TENM2: variants seen among roughly 807,000 people sequenced by gnomAD.
TENM2 encodes the protein teneurin-2.
Under a neutral mutation model 245.2 loss-of-function variants are expected in TENM2, and 52 were observed. That is an observed-to-expected ratio of 0.21 (90% confidence interval 0.17 to 0.27). The LOEUF is 0.27. TENM2 is among the 10% of genes least tolerant of loss of function. TENM2 has a pLI of 1.00. For synonymous variants in TENM2, 1,363 were observed against 1,438.9 expected (o/e 0.95, Z 1.19); for missense variants, 3,046 against 3,666.8 (o/e 0.83, Z 4.37).
At chr5:167,208,901 GT>G in the TENM2 span, among the ~76,000 whole-genome samples, 1 of 152,142 alleles carries the variant, frequency 6.6e-6, no homozygotes, top group African/African-American at 2.4e-5. Context: ...CGAGTTGTTG[GT>G]CAGAATGAGA....
At chr5:167,934,896 G>T in intron 3 of TENM2, 1 of 985,566 alleles carries the variant, frequency 1.0e-6, no homozygotes, top group South Asian at 4.7e-5. Context: ...GGGTGTGCAG[G>T]CTGCACTGCC....
At chr5:167,456,063 T>A (rs1490840757) in intron 2 of TENM2, among the ~76,000 whole-genome samples, 1 of 152,172 alleles carries the variant, frequency 6.6e-6, no homozygotes, top group Non-Finnish European at 1.5e-5. Flanking sequence ...GCTCTAAATT[T>A]TAGAGACAAC....
intron 1 of TENM2, among the ~76,000 whole-genome samples, chr5:167,298,695 C>T (rs1755117562): frequency 6.6e-6 from 1 of 152,314 alleles, no homozygotes; most frequent in East Asian, 1.9e-4. Flanking sequence ...TGGGAGGACC[C>T]AGGGCATCTA....
intron 2 of TENM2, among the ~76,000 whole-genome samples, chr5:167,599,545 G>T (rs922900661): frequency 2.0e-5 from 3 of 152,058 alleles, no homozygotes; most frequent in South Asian, 2.1e-4. Context: ...ATAGTTTGGC[G>T]GTCCCCGTGG....
At chr5:167,988,675 A>G (rs1428716457) in intron 4 of TENM2, among the ~76,000 whole-genome samples, 1 of 152,194 alleles carries the variant, frequency 6.6e-6, no homozygotes, top group African/African-American at 2.4e-5. Context: ...CAGAGGTGGA[A>G]GCTTCAGTGG....
At chr5:167,228,977 G>A in the TENM2 span, among the ~76,000 whole-genome samples, 8 of 152,298 alleles carry the variant, frequency 5.3e-5, no homozygotes, top group South Asian at 1.7e-3. Context: ...TGGGATTACA[G>A]GCGTGAGCCA....
At chr5:167,987,477 A>G (rs929238210) in intron 4 of TENM2, among the ~76,000 whole-genome samples, 1 of 151,798 alleles carries the variant, frequency 6.6e-6, no homozygotes. Flanking sequence ...ACAGGTGCCC[A>G]CCACCACACC....
chr5:167,389,201 A>G (rs1000963596), intron 2 of TENM2, among the ~76,000 whole-genome samples: 30 of 151,016 alleles, frequency 2.0e-4, no homozygotes, highest in African/African-American at 7.0e-4. Context: ...TAACTATATA[A>G]CATAGAATTA....
chr5:167,475,209 C>T (rs1343935793), intron 2 of TENM2, among the ~76,000 whole-genome samples: 5 of 152,012 alleles, frequency 3.3e-5, no homozygotes, highest in African/African-American at 4.8e-5. Flanking sequence ...AATACCTTAA[C>T]TGTTAAAGAA....
At chr5:168,069,103 T>C (rs1790760852) in intron 7 of TENM2, among the ~76,000 whole-genome samples, 1 of 152,216 alleles carries the variant, frequency 6.6e-6, no homozygotes, top group Non-Finnish European at 1.5e-5. Context: ...ATATTACACA[T>C]TCATTTGGAA....
At chr5:168,036,691 A>ATATC in intron 5 of TENM2, among the ~76,000 whole-genome samples, 1 of 116,336 alleles carries the variant, frequency 8.6e-6, no homozygotes, top group East Asian at 2.4e-4. Context: ...ATATATATAT[A>ATATC]TATATATATG....
chr5:167,795,582 G>C (rs1321624735), intron 2 of TENM2, among the ~76,000 whole-genome samples: 1 of 152,062 alleles, frequency 6.6e-6, no homozygotes, highest in African/African-American at 2.4e-5. Flanking sequence ...GGATTGCAAA[G>C]GGGAGAAAAA....
chr5:167,390,824 C>A (rs574272066), intron 2 of TENM2, among the ~76,000 whole-genome samples: 3 of 152,076 alleles, frequency 2.0e-5, no homozygotes, highest in Non-Finnish European at 2.9e-5. Flanking sequence ...TGGCTATGAA[C>A]AACAAGGCAC....
At chr5:168,097,795 T>A in intron 8 of TENM2, among the ~76,000 whole-genome samples, 1 of 152,216 alleles carries the variant, frequency 6.6e-6, no homozygotes. Flanking sequence ...ACAGCACTAC[T>A]AGCCCTGCAT....
intron 23 of TENM2, among the ~76,000 whole-genome samples, chr5:168,220,527 C>T (rs190875524): frequency 3.1e-4 from 47 of 152,258 alleles, no homozygotes; most frequent in African/African-American, 1.1e-3. Flanking sequence ...ATTTGATAAG[C>T]TGCCCTTTTT....
chr5:167,998,683 C>CATAT (rs34540821), intron 5 of TENM2, among the ~76,000 whole-genome samples: 4 of 151,930 alleles, frequency 2.6e-5, no homozygotes, highest in South Asian at 4.2e-4. Context: ...AACTAAAATA[C>CATAT]ATATATATAT....
At chr5:167,114,580 GA>G in the TENM2 span, among the ~76,000 whole-genome samples, 5 of 152,072 alleles carry the variant, frequency 3.3e-5, no homozygotes, top group Non-Finnish European at 7.4e-5. Context: ...AATTTTTCAT[GA>G]AAAAAGTACT....
chr5:167,961,195 A>G (rs1780987615), intron 4 of TENM2, among the ~76,000 whole-genome samples: 1 of 152,248 alleles, frequency 6.6e-6, no homozygotes, highest in Non-Finnish European at 1.5e-5. Context: ...CATGTCTACA[A>G]TCTTAATCTT....
intron 2 of TENM2, among the ~76,000 whole-genome samples, chr5:167,743,849 T>G (rs559006233): frequency 4.6e-5 from 7 of 152,298 alleles, no homozygotes; most frequent in Middle Eastern, 3.4e-3. Flanking sequence ...ACTACTGACC[T>G]TACCCCTCAC....
Sources: allele counts gnomAD v4.1 joint callset (sites outside exome capture counted in the v4.1 genomes callset), GRCh38; gene constraint gnomAD v4.1.1; transcripts MANE v1.5; gene names NCBI Gene and HGNC (gene_info 2026-07-23, HGNC 2026-07-21).